Variants in ZFYVE16 observed in about 807,000 individuals in gnomAD.
ZFYVE16 encodes the protein zinc finger FYVE-type containing 16.
ZFYVE16 carries 89 observed loss-of-function variants against 138.1 expected under a neutral mutation model. The observed-to-expected ratio is 0.64, with a 90% CI of 0.54 to 0.77. The LOEUF (loss-of-function observed/expected upper bound fraction) is 0.77, where lower values mean the gene tolerates loss of function less well. Ranked by LOEUF, ZFYVE16 falls within the 30% of genes least tolerant of loss-of-function variation. The pLI, the probability that ZFYVE16 is intolerant of heterozygous loss-of-function variation, is 0.00. For missense variants in ZFYVE16, 1,793 were observed against 1,786.7 expected, an observed-to-expected ratio of 1.00 and a Z score of -0.06; for synonymous variants, 596 against 618.3, an observed-to-expected ratio of 0.96 and a Z score of 0.53.
In ZFYVE16 at chr5:80,436,927, A is replaced by G; in HGVS notation, c.242A>G (p.Asn81Ser). Residue 81 changes from asparagine to serine, a missense_variant, in exon 4 of 19, where the codon AAT becomes AGT. By Grantham distance (46) the Asn-to-Ser change is conservative. Coordinates refer to ENST00000505560, the MANE Select transcript of ZFYVE16 (RefSeq NM_001284236.3). Reference protein sequence around the residue: ...TSYGTNESSLNEKTLKGLTSI... With the variant: ...TSYGTNESSLSEKTLKGLTSI... The stretch of plus-strand genomic sequence containing the variant: ...TATGGAACAAATGAGAGTTCCCTGA[A>G]TGAAAAAACACTCAAGGGACTTACT... 2 of 1,614,170 alleles carry G rather than the reference A, an allele frequency of 1.2e-6. No homozygotes were observed. Among genetic ancestry groups the G allele is most frequent in the Non-Finnish European group, 8.5e-7 (1 of 1,180,022 alleles).
rs765586658 is a variant in ZFYVE16 at position 80,426,174 on chromosome 5, GAT to G, written c.-93-1303_-93-1302del. Among the ~76,000 whole-genome samples, 69 of 147,866 alleles carry G rather than the reference GAT, an allele frequency of 4.7e-4. 1 individual carries two copies. The highest frequency in any genetic ancestry group is 1.2e-3 in the East Asian group (6 of 5,106). ...TTAAGGACAGGGTTCCCCGGATTGAGATATATATATATATATGTGTGTGTGTG... is the reference window on the plus strand; with the variant it reads ...TTAAGGACAGGGTTCCCCGGATTGAGATATATATATATATGTGTGTGTGTG... On this transcript the variant is annotated intron_variant, in intron 1 of 18. Transcript: ENST00000505560.
At chr5:80,407,799 C>CA (rs1448668317), upstream of ZFYVE16, among the ~76,000 whole-genome samples, 5 of 152,210 alleles carry the variant, frequency 3.3e-5, no homozygotes, top group Admixed American at 3.3e-4. Flanking sequence ...CCCGATCCCG[C>CA]AGTCGAGTGG....
rs746590534 is a variant in ZFYVE16, at chr5:80,438,700, A to G, written c.2015A>G (p.Asp672Gly). Reference sequence around the variant, plus strand: ...GACCTGAATAAGCCAGATGTTCCAGATACAATAGAAAGTGAACCCAGCACA... The same window carrying G: ...GACCTGAATAAGCCAGATGTTCCAGGTACAATAGAAAGTGAACCCAGCACA... ...SKDLNKPDVPDTIESEPSTAD... is the reference protein window; with the variant it reads ...SKDLNKPDVPGTIESEPSTAD... Residue 672 changes from aspartate (D) to glycine (G), a missense_variant, in exon 4 of 19, where the codon GAT becomes GGT. By Grantham distance (94) the Asp-to-Gly change is moderately conservative. Around this residue, in one of 2 missense-constraint regions of ZFYVE16, gnomAD observed 1,295 missense variants for 1,204.3 expected, o/e 1.08. Transcript: ENST00000505560. 14 of 1,614,168 alleles carry G rather than the reference A, an allele frequency of 8.7e-6. 1 individual carries two copies. In the South Asian group the frequency reaches 1.5e-4, roughly 18 times the overall value.
intron 13 of ZFYVE16, 63 bp from the exon 14 acceptor site, chr5:80,456,882 A>C: frequency 6.7e-7 from 1 of 1,503,756 alleles, no homozygotes; most frequent in Non-Finnish European, 8.9e-7. Context: ...CGTGGCTCTT[A>C]GAATAGGCAT....
At position 80,443,285 on chromosome 5, in the gene ZFYVE16, G is replaced by T; in HGVS notation, c.2581+1G>T. On this transcript the variant is annotated splice_donor_variant, in intron 6 of 18. Transcript: ENST00000505560. LOFTEE classifies it high-confidence loss of function. ...GCACTTAAACAACCAGGTGTTGAAG[G>T]TAATAGAAGAAAACTGTGTCTTAGA... The T allele has an allele frequency of 1.2e-6, 2 of 1,603,436 alleles. No homozygotes were observed. The highest frequency in any genetic ancestry group is 2.3e-5 in the South Asian group (2 of 88,540).
intron 15 of ZFYVE16, among the ~76,000 whole-genome samples, chr5:80,462,796 G>A (rs185529864): frequency 6.6e-5 from 10 of 152,296 alleles, no homozygotes; most frequent in South Asian, 6.2e-4. Flanking sequence ...GGGTACAGGC[G>A]TTGGGTAAAT....
intron 2 of ZFYVE16, among the ~76,000 whole-genome samples, chr5:80,429,471 A>T (rs1748650922): frequency 6.6e-6 from 1 of 152,240 alleles, no homozygotes; most frequent in South Asian, 2.1e-4. Flanking sequence ...GGAAAGGAAC[A>T]GCTGGTACCA....
chr5:80,464,114 A>C (rs1580336693), intron 15 of ZFYVE16, among the ~76,000 whole-genome samples: 2 of 152,210 alleles, frequency 1.3e-5, no homozygotes, highest in South Asian at 4.1e-4. Flanking sequence ...CAAGTTCCAA[A>C]GTCACTTCCA....
At chr5:80,459,615 C>A in intron 15 of ZFYVE16, 121 bp downstream of exon 15, 1 of 751,106 alleles carries the variant, frequency 1.3e-6, no homozygotes, top group Non-Finnish European at 2.1e-6. Flanking sequence ...CACAAACTTA[C>A]ATGAAATCAT....
At position 80,436,228 on chromosome 5, in the gene ZFYVE16, G is replaced by A. The variant is rs528647807; in HGVS notation, c.71-528G>A. ...ACATGCCCATCACCGTGGCCATAGC[G>A]TGTGATGCTACTACAATTGGCAACC... On this transcript the variant is annotated intron_variant, in intron 3 of 18. Coordinates refer to ENST00000505560, the MANE Select transcript of ZFYVE16 (RefSeq NM_001284236.3). 2.6e-5 allele frequency among the ~76,000 whole-genome samples: 4 copies of A among 152,318 alleles called. 1 individual carries two copies. The highest frequency in any genetic ancestry group is 9.6e-5 in the African/African-American group (4 of 41,568).
At chr5:80,422,448 T>C (rs1266170502) in intron 1 of ZFYVE16, among the ~76,000 whole-genome samples, 1 of 152,098 alleles carries the variant, frequency 6.6e-6, no homozygotes, top group South Asian at 2.1e-4. Flanking sequence ...ATGTATATTG[T>C]ATTTGTTTTG....
In ZFYVE16 at chr5:80,445,365, GTTCTGA is replaced by G; in HGVS notation, c.2685_2690del (p.Cys895_Glu897delinsTer). 1 of 1,613,902 alleles carries G rather than the reference GTTCTGA, an allele frequency of 6.2e-7. No homozygotes were observed. The highest frequency in any genetic ancestry group is 8.5e-7 in the Non-Finnish European group (1 of 1,179,934). On this transcript the variant is annotated stop_gained and inframe_deletion, in exon 7 of 19. Coordinates refer to ENST00000505560, the MANE Select transcript of ZFYVE16 (RefSeq NM_001284236.3). LOFTEE classifies it high-confidence loss of function. ...AAATTATCATCTGGAAGTAAAAGAT[GTTCTGA>G]AGACTTTAGTCCTCTCTCACCTGAT... is the stretch of plus-strand genomic sequence containing the variant.
intron 5 of ZFYVE16, chr5:80,440,657 G>GGTGTGTGTGTGTGTGTGTGTGTGTGTGT (rs141202687): frequency 1.3e-6 from 1 of 749,614 alleles, no homozygotes; most frequent in East Asian, 1.6e-4. Context: ...AGTTCTCACA[G>GGTGTGTGTGTGTGTGTGTGTGTGTGTGT]GTGTGTGTGT....
Position 80,482,258 on chromosome 5 carries a change from G to T in ZFYVE16, c.*4881G>T, listed in dbSNP as rs1425124210. On this transcript the variant is annotated 3_prime_UTR_variant, in exon 19 of 19. Coordinates refer to ENST00000505560, the MANE Select transcript of ZFYVE16 (RefSeq NM_001284236.3). The stretch of plus-strand genomic sequence containing the variant: ...CTATAAAAAGAAACAAGTGGAAATT[G>T]TAGAACTGAAAATACAATAACAAAA... The T allele has an allele frequency of 1.3e-5, 2 of 152,216 alleles. No individual in the cohort carries two copies. The highest frequency in any genetic ancestry group is 2.4e-5 in the African/African-American group (1 of 41,454). 9.4% of individuals were successfully genotyped at this position (152,216 alleles called of 1,614,324 possible).
At chr5:80,408,481 G>T (rs1049214829) in intron 1 of ZFYVE16, among the ~76,000 whole-genome samples, 2 of 150,402 alleles carry the variant, frequency 1.3e-5, no homozygotes, top group African/African-American at 5.0e-5. Flanking sequence ...CCCAGCGGAC[G>T]GAGGGAGAAG....
At chr5:80,423,610 A>T (rs1382661483) in intron 1 of ZFYVE16, among the ~76,000 whole-genome samples, 1 of 152,150 alleles carries the variant, frequency 6.6e-6, no homozygotes, top group Admixed American at 6.5e-5. Context: ...ATCTCAGCTC[A>T]CTGCAAGCTC....
At chr5:80,434,892 A>G (rs1749653783) in intron 3 of ZFYVE16, among the ~76,000 whole-genome samples, 1 of 150,956 alleles carries the variant, frequency 6.6e-6, no homozygotes, top group African/African-American at 2.4e-5. Context: ...ATGGAGTTTC[A>G]CTGTTGTTGC....
chr5:80,482,663 T>C lies in ZFYVE16; in HGVS notation c.*5286T>C, dbSNP rs1755313319. ...TGAAACCAACTGTAAAGAAAATACTTTGAAAACAACTGGAAGAAAACAACA... is the reference window on the plus strand; with the variant it reads ...TGAAACCAACTGTAAAGAAAATACTCTGAAAACAACTGGAAGAAAACAACA... On this transcript the variant is annotated 3_prime_UTR_variant, in exon 19 of 19. Transcript: ENST00000505560. 1 of 152,134 alleles carries C rather than the reference T, an allele frequency of 6.6e-6. No individual in the cohort carries two copies. The highest frequency in any genetic ancestry group is 1.5e-5 in the Non-Finnish European group (1 of 68,024). 9.4% of individuals were successfully genotyped at this position (152,134 alleles called of 1,614,324 possible).
chr5:80,451,424 C>A, intron 10 of ZFYVE16, 61 bp from the exon 11 acceptor site: 1 of 1,370,456 alleles, frequency 7.3e-7, no homozygotes, highest in Admixed American at 2.3e-5. Context: ...AAACTAAGAA[C>A]ATTTCTTCAA....
Sources: gnomAD v4.1 joint callset for allele counts (sites outside exome capture counted in the v4.1 genomes callset) on GRCh38, gnomAD v4.1.1 for gene constraint, gnomAD v4.1.1 regional missense constraint, MANE v1.5 for transcripts, NCBI Gene and HGNC (gene_info 2026-07-23, HGNC 2026-07-21) for gene names.